Variants in YIPF1 observed in about 807,000 individuals in gnomAD.
YIPF1 encodes the protein Yip1 domain family member 1, also known as protein YIPF1.
A neutral mutation model predicts 37.0 loss-of-function variants in YIPF1; 22 were observed. The ratio of observed to expected loss-of-function variants is 0.59; its 90% CI spans 0.42 to 0.85. YIPF1 has a LOEUF of 0.85. YIPF1 is among the 40% of genes least tolerant of loss of function. The pLI, the probability that YIPF1 is intolerant of heterozygous loss-of-function variation, is 0.00. For synonymous variants in YIPF1, 128 were observed against 131.9 expected, an observed-to-expected ratio of 0.97 and a Z score of 0.21; for missense variants, 355 against 373.1, an observed-to-expected ratio of 0.95 and a Z score of 0.40.
chr1:53,880,709 C>G (rs967799067), intron 4 of YIPF1, among the ~76,000 whole-genome samples: 9 of 152,124 alleles, frequency 5.9e-5, no homozygotes, highest in Non-Finnish European at 1.5e-5. Context: ...GGTACAAGAA[C>G]AGACACATAG....
intron 7 of YIPF1, among the ~76,000 whole-genome samples, chr1:53,870,661 C>T (rs907371704): frequency 6.6e-6 from 1 of 152,134 alleles, no homozygotes; most frequent in African/African-American, 2.4e-5. Context: ...TAATGCCACA[C>T]AGGAGACCTT....
chr1:53,878,365 G>A lies in YIPF1; in HGVS notation c.314C>T (p.Pro105Leu), dbSNP rs1650390451. The A allele has an allele frequency of 1.2e-6, 2 of 1,613,874 alleles. No homozygotes were observed. Among genetic ancestry groups the A allele is most frequent in the South Asian group, 1.1e-5 (1 of 91,068 alleles). The change falls in exon 6 of 11, where the codon CCC becomes CTC. Residue 105 changes from proline (P) to leucine (L), a missense_variant. Physicochemically the swap from Pro to Leu is moderately conservative, Grantham distance 98. Coordinates refer to ENST00000072644, the MANE Select transcript of YIPF1 (RefSeq NM_018982.5). ...DRIKGSLLPI[P>L]GKNFVRLYIR... ...ATATAACCTCACAAAGTTTTTCCCG[G>A]GTATTGGCAAAAGAGATCCTTTAAT... is the stretch of plus-strand genomic sequence containing the variant.
intron 9 of YIPF1, among the ~76,000 whole-genome samples, chr1:53,860,903 C>G (rs188146085): frequency 6.6e-6 from 1 of 152,324 alleles, no homozygotes; most frequent in Admixed American, 6.5e-5. Context: ...AAATACCAAT[C>G]TCACTACCCT....
chr1:53,875,282 AG>A (rs1650305729), intron 6 of YIPF1, among the ~76,000 whole-genome samples: 1 of 152,178 alleles, frequency 6.6e-6, no homozygotes. Context: ...TGGGAGGGTA[AG>A]GCAGGAGGAT....
chr1:53,869,782 G>C (rs377051255), intron 7 of YIPF1, among the ~76,000 whole-genome samples: 1 of 151,908 alleles, frequency 6.6e-6, no homozygotes, highest in South Asian at 2.1e-4. Flanking sequence ...TTTAAAACAA[G>C]AATGTCATTC....
At chr1:53,879,899 C>T (rs752817948) in intron 4 of YIPF1, among the ~76,000 whole-genome samples, 9 of 152,048 alleles carry the variant, frequency 5.9e-5, no homozygotes, top group African/African-American at 9.7e-5. Flanking sequence ...CAGGGTGGGG[C>T]GATGGCTCAC....
At position 53,855,263 on chromosome 1, in the gene YIPF1, G is replaced by A. The variant is rs1188534087; in HGVS notation, c.*9-2993C>T. On this transcript the variant is annotated intron_variant, in intron 10 of 10. Transcript: ENST00000072644. ...GATTATCTGCTGATGGCCCTCCTCC[G>A]GACAGCCCCACCTGTCACTGCCCCT... Among the ~76,000 whole-genome samples the A allele has an allele frequency of 2.6e-5, 4 of 151,754 alleles. No homozygotes were observed. The South Asian group carries it at 8.4e-4, about 32-fold the overall frequency.
chr1:53,886,405 C>G (rs913390142), intron 3 of YIPF1, among the ~76,000 whole-genome samples: 3 of 151,922 alleles, frequency 2.0e-5, no homozygotes, highest in African/African-American at 7.3e-5. Context: ...TTTCTGCCAC[C>G]AACATTCTCT....
chr1:53,871,014 A>G, intron 7 of YIPF1, among the ~76,000 whole-genome samples: 1 of 55,298 alleles, frequency 1.8e-5, no homozygotes, highest in East Asian at 8.8e-4. Flanking sequence ...CACTGTCTCA[A>G]AAAAAAAAAA....
intron 10 of YIPF1, among the ~76,000 whole-genome samples, chr1:53,855,649 C>T (rs1649700543): frequency 6.6e-6 from 1 of 152,142 alleles, no homozygotes; most frequent in Admixed American, 6.5e-5. Context: ...CTGCTGTATT[C>T]AGTATAGCAA....
intron 7 of YIPF1, 35 bp downstream of exon 7, chr1:53,871,337 G>A: frequency 6.3e-7 from 1 of 1,579,802 alleles, no homozygotes; most frequent in Non-Finnish European, 8.7e-7. Context: ...GCTAGAAACT[G>A]ACAGCATTCC....
chr1:53,880,586 G>T (rs918179650), intron 4 of YIPF1, among the ~76,000 whole-genome samples: 5 of 152,126 alleles, frequency 3.3e-5, no homozygotes, highest in Non-Finnish European at 7.4e-5. Flanking sequence ...GGAATCAAAA[G>T]AGAGCCCAAA....
Position 53,866,197 on chromosome 1 carries a change from T to A in YIPF1, c.831+3A>T. 6.2e-7 allele frequency: 1 copy of A among 1,613,660 alleles called. No homozygotes were observed. The highest frequency in any genetic ancestry group is 1.1e-5 in the South Asian group (1 of 91,020). On this transcript the variant is annotated splice_donor_region_variant and intron_variant, in intron 9 of 10. Transcript: ENST00000072644. ...CCAAAAGAATATACGACTGAACCCATACCAAGCAGCCCACAGAAAGCAGCA... is the reference window on the plus strand; with the variant it reads ...CCAAAAGAATATACGACTGAACCCAAACCAAGCAGCCCACAGAAAGCAGCA...
Position 53,874,490 on chromosome 1 carries a change from G to C in YIPF1, c.365-3002C>G, listed in dbSNP as rs1033636016. Among the ~76,000 whole-genome samples the C allele has an allele frequency of 2.0e-5, 3 of 152,088 alleles. No individual in the cohort carries two copies. The East Asian group carries it at 5.8e-4, about 29-fold the overall frequency. ...ACTTTTAAAAAATATTTTTAGGCCG[G>C]GCATGGTGGTTCACACCTATAATCC... On this transcript the variant is annotated intron_variant, in intron 6 of 10. Coordinates refer to ENST00000072644, the MANE Select transcript of YIPF1 (RefSeq NM_018982.5).
At chr1:53,861,689 AGAGG>A (rs142417977) in intron 9 of YIPF1, among the ~76,000 whole-genome samples, 16,404 of 99,600 alleles carry the variant, frequency 0.16, 1,179 homozygotes, top group South Asian at 0.29. Flanking sequence ...AGGGAGAGAG[AGAGG>A]GAGGGAGGGA....
chr1:53,878,683 A>T lies in YIPF1; in HGVS notation c.235T>A (p.Phe79Ile), dbSNP rs746835681. The change falls in exon 5 of 11, where the codon TTT becomes ATT. Residue 79 changes from phenylalanine to isoleucine, a missense_variant. Physicochemically the swap from Phe to Ile is conservative, Grantham distance 21. Coordinates refer to ENST00000072644, the MANE Select transcript of YIPF1 (RefSeq NM_018982.5). ...GQKKSSPFWT[F>I]EYYQTFFDVD... is the part of the protein sequence containing the mutation. ...TCAAAGAATGTTTGGTAGTATTCAA[A>T]TGTCCAGAAGGGGGAGCTTTTCTTC... 1.3e-6 allele frequency: 2 copies of T among 1,599,508 alleles called. No individual in the cohort carries two copies. The highest frequency in any genetic ancestry group is 1.7e-6 in the Non-Finnish European group (2 of 1,177,016).
intron 3 of YIPF1, among the ~76,000 whole-genome samples, chr1:53,885,423 G>A (rs1339437423): frequency 3.9e-5 from 6 of 152,130 alleles, no homozygotes; most frequent in Admixed American, 3.3e-4. Flanking sequence ...CAGGAGAATC[G>A]CTTGAACCCA....
At chr1:53,886,740 A>T (rs1411411332) in intron 3 of YIPF1, 1 of 151,708 alleles carries the variant, frequency 6.6e-6, no homozygotes, top group Non-Finnish European at 1.5e-5. Context: ...AAAAAATTAA[A>T]CTTCCTCACT....
At chr1:53,853,467 G>C (rs1386691301) in intron 10 of YIPF1, among the ~76,000 whole-genome samples, 1 of 152,174 alleles carries the variant, frequency 6.6e-6, no homozygotes, top group Admixed American at 6.5e-5. Context: ...AGGGAAACTT[G>C]GAAAGAGGGG....
Sources: allele counts gnomAD v4.1 joint callset (sites outside exome capture counted in the v4.1 genomes callset), GRCh38; gene constraint gnomAD v4.1.1; transcripts MANE v1.5; gene names NCBI Gene and HGNC (gene_info 2026-07-23, HGNC 2026-07-21).